The following UNC5D variants were observed in gnomAD, a reference collection of about 807,000 sequenced individuals.
UNC5D encodes the protein netrin receptor UNC5D.
A neutral mutation model predicts 105.4 loss-of-function variants in UNC5D; 39 were observed. The ratio of observed to expected loss-of-function variants is 0.37; its 90% CI spans 0.29 to 0.48. The LOEUF (loss-of-function observed/expected upper bound fraction) is 0.48, where lower values mean the gene tolerates loss of function less well. UNC5D is among the 20% of genes least tolerant of loss of function. The pLI is 0.98. For missense variants in UNC5D, 991 were observed against 1,202.4 expected (o/e 0.82, Z 2.60); for synonymous variants, 452 against 450.4 (o/e 1.00, Z -0.04).
At chr8:35,255,186 C>T (rs1803990601) in intron 1 of UNC5D, 1 of 152,174 alleles carries the variant, frequency 6.6e-6, no homozygotes, top group Non-Finnish European at 1.5e-5. Flanking sequence ...TAGCGTTGCT[C>T]TTCTTATCAT....
chr8:35,767,713 C>G (rs1264576449), intron 15 of UNC5D, among the ~76,000 whole-genome samples: 2 of 152,130 alleles, frequency 1.3e-5, no homozygotes, highest in Non-Finnish European at 2.9e-5. Flanking sequence ...TTGTCCAGGT[C>G]AAATCAGTAT....
intron 1 of UNC5D, among the ~76,000 whole-genome samples, chr8:35,268,550 T>C (rs1805052268): frequency 6.6e-6 from 1 of 152,200 alleles, no homozygotes; most frequent in Non-Finnish European, 1.5e-5. Flanking sequence ...TAATAACTAA[T>C]GTTTCTGTGA....
At chr8:35,654,135 T>C (rs543076838) in intron 4 of UNC5D, among the ~76,000 whole-genome samples, 2 of 152,302 alleles carry the variant, frequency 1.3e-5, no homozygotes, top group East Asian at 3.9e-4. Context: ...TGAATTTCCT[T>C]TTCTTTTTAA....
chr8:35,618,579 A>T (rs950903370), intron 4 of UNC5D, among the ~76,000 whole-genome samples: 1 of 152,208 alleles, frequency 6.6e-6, no homozygotes, highest in Non-Finnish European at 1.5e-5. Context: ...ATTACTGATG[A>T]TCATGGTTAG....
intron 1 of UNC5D, among the ~76,000 whole-genome samples, chr8:35,363,946 G>A (rs2128919980): frequency 6.6e-6 from 1 of 152,228 alleles, no homozygotes; most frequent in South Asian, 2.1e-4. Context: ...ACTTTGGGAG[G>A]CTGAGGTGGG....
At chr8:35,702,702 G>T (rs112963714) in intron 7 of UNC5D, among the ~76,000 whole-genome samples, 1 of 152,084 alleles carries the variant, frequency 6.6e-6, no homozygotes, top group East Asian at 1.9e-4. Flanking sequence ...GAACAATCTC[G>T]ATCAGATATT....
intron 4 of UNC5D, among the ~76,000 whole-genome samples, chr8:35,610,648 A>G (rs1443824104): frequency 6.6e-6 from 1 of 152,168 alleles, no homozygotes; most frequent in Non-Finnish European, 1.5e-5. Context: ...AAAGGGACAT[A>G]CAAAAAGAGA....
chr8:35,354,937 A>G (rs542437109), intron 1 of UNC5D, among the ~76,000 whole-genome samples: 52 of 152,124 alleles, frequency 3.4e-4, no homozygotes, highest in African/African-American at 1.2e-3. Context: ...TGTGGCTTGG[A>G]CTTCTCACAG....
chr8:35,266,085 A>G (rs1372453381), intron 1 of UNC5D, among the ~76,000 whole-genome samples: 1 of 152,122 alleles, frequency 6.6e-6, no homozygotes, highest in South Asian at 2.1e-4. Context: ...ATAAGCCTCC[A>G]GAACATTAGG....
chr8:35,672,396 G>A (rs1023670220), intron 4 of UNC5D, among the ~76,000 whole-genome samples: 1 of 152,108 alleles, frequency 6.6e-6, no homozygotes, highest in South Asian at 2.1e-4. Context: ...TCTTAGAGAG[G>A]TCTGCCCAGC....
intron 4 of UNC5D, among the ~76,000 whole-genome samples, chr8:35,602,782 T>C (rs1001585953): frequency 6.6e-6 from 1 of 152,070 alleles, no homozygotes; most frequent in African/African-American, 2.4e-5. Flanking sequence ...GCAGGTTAGT[T>C]ACATATGTAT....
chr8:35,600,408 C>T (rs188642558), intron 4 of UNC5D, among the ~76,000 whole-genome samples: 209 of 152,338 alleles, frequency 1.4e-3, no homozygotes, highest in African/African-American at 4.8e-3. Flanking sequence ...AATTAGTTTA[C>T]AGTCTCACCA....
intron 1 of UNC5D, among the ~76,000 whole-genome samples, chr8:35,508,078 A>G (rs1036271395): frequency 1.3e-5 from 2 of 152,092 alleles, no homozygotes; most frequent in African/African-American, 4.8e-5. Flanking sequence ...ATGGCACTTA[A>G]ATTTTCTTGT....
intron 1 of UNC5D, among the ~76,000 whole-genome samples, chr8:35,422,046 G>T (rs1805940168): frequency 6.6e-6 from 1 of 152,152 alleles, no homozygotes; most frequent in Non-Finnish European, 1.5e-5. Flanking sequence ...TTTTAACTCT[G>T]AAATGATGTT....
rs186701696 is a variant in UNC5D at position 35,309,575 on chromosome 8, A to G, written c.103+73688A>G. The stretch of plus-strand genomic sequence containing the variant: ...CCAAGGACACTAAAATTAAATATCA[A>G]TCCCAAAGGTTAGTTGTGGATAGTT... On this transcript the variant is annotated intron_variant, in intron 1 of 16. Coordinates refer to ENST00000404895, the MANE Select transcript of UNC5D (RefSeq NM_080872.4). 1.4e-4 allele frequency among the ~76,000 whole-genome samples: 21 copies of G among 152,304 alleles called. 1 individual carries two copies. The highest frequency in any genetic ancestry group is 7.8e-4 in the Admixed American group (12 of 15,298).
intron 1 of UNC5D, among the ~76,000 whole-genome samples, chr8:35,244,962 G>A (rs1170183313): frequency 6.6e-6 from 1 of 152,090 alleles, no homozygotes; most frequent in East Asian, 1.9e-4. Flanking sequence ...GTGACAGTGA[G>A]CCATAATCAC....
intron 6 of UNC5D, among the ~76,000 whole-genome samples, chr8:35,685,318 G>A (rs945641138): frequency 1.3e-5 from 2 of 152,076 alleles, no homozygotes; most frequent in African/African-American, 4.8e-5. Context: ...CATTTACCAA[G>A]TATGGCTTTC....
chr8:35,682,722 G>A (rs886127714), intron 4 of UNC5D, among the ~76,000 whole-genome samples: 13 of 152,324 alleles, frequency 8.5e-5, no homozygotes, highest in African/African-American at 1.9e-4. Context: ...TTCCATCTGC[G>A]TCTTCCTTTT....
Position 35,486,265 on chromosome 8 carries a change from C to A in UNC5D, c.104-63027C>A, listed in dbSNP as rs116246809. The stretch of plus-strand genomic sequence containing the variant: ...TAATTCCTGTTATGCATACGTATGG[C>A]TAAATTCCCTTTGCAATAGTAATTC... On this transcript the variant is annotated intron_variant, in intron 1 of 16. Coordinates refer to ENST00000404895, the MANE Select transcript of UNC5D (RefSeq NM_080872.4). Among the ~76,000 whole-genome samples, 626 of 152,262 alleles carry A rather than the reference C, an allele frequency of 4.1e-3. 8 individuals are homozygous for A. Among genetic ancestry groups the A allele is most frequent in the African/African-American group, 0.014 (590 of 41,528 alleles).
Sources: allele counts gnomAD v4.1 joint callset (sites outside exome capture counted in the v4.1 genomes callset), GRCh38; gene constraint gnomAD v4.1.1; transcripts MANE v1.5; gene names NCBI Gene and HGNC (gene_info 2026-07-23, HGNC 2026-07-21).